The following GSN variants were observed in gnomAD, a reference collection of about 807,000 sequenced individuals.
GSN encodes gelsolin.
A neutral mutation model predicts 85.7 loss-of-function variants in GSN; 56 were observed. The observed-to-expected ratio is 0.65, with a 90% CI of 0.53 to 0.82. The LOEUF (loss-of-function observed/expected upper bound fraction) is 0.82, where lower values mean the gene tolerates loss of function less well. Ranked by LOEUF, GSN falls within the 40% of genes least tolerant of loss-of-function variation. The pLI, the probability that GSN is intolerant of heterozygous loss-of-function variation, is 0.00. For synonymous variants in GSN, 373 were observed against 399.1 expected (o/e 0.93, Z 0.78); for missense variants, 857 against 979.8 (o/e 0.87, Z 1.67).
chr9:121,218,557 C>T (rs1337164668), intron 4 of GSN, among the ~76,000 whole-genome samples: 2 of 152,146 alleles, frequency 1.3e-5, no homozygotes, highest in South Asian at 4.1e-4. Context: ...ATCACTTGAA[C>T]TCGGGAGGCG....
intron 5 of GSN, among the ~76,000 whole-genome samples, chr9:121,245,302 A>G (rs1361977141): frequency 6.6e-6 from 1 of 152,220 alleles, no homozygotes; most frequent in East Asian, 1.9e-4. Context: ...CAAAAAGTCT[A>G]TAGTCCTCCA....
intron 6 of GSN, among the ~76,000 whole-genome samples, chr9:121,254,127 G>C (rs1351808616): frequency 1.3e-5 from 2 of 152,256 alleles, no homozygotes; most frequent in East Asian, 3.9e-4. Context: ...AGCCAAAAAA[G>C]AAAAAAGATC....
intron 1 of GSN, among the ~76,000 whole-genome samples, chr9:121,275,290 C>A (rs531208229): frequency 6.6e-6 from 1 of 152,324 alleles, no homozygotes; most frequent in South Asian, 2.1e-4. Context: ...GACATCACCT[C>A]ACTGAGTTTC....
rs2062045017 is a variant in GSN at position 121,318,937 on chromosome 9, A to G, written c.1191+57A>G. Reference sequence around the variant, plus strand: ...GGCCCCTCCCTCACTTTCCCCATGCACTGCCTCTTGCTTCCCCAAGGAGGT... The same window carrying G: ...GGCCCCTCCCTCACTTTCCCCATGCGCTGCCTCTTGCTTCCCCAAGGAGGT... On this transcript the variant is annotated intron_variant, in intron 10 of 17. Transcript: ENST00000432226. The surrounding 1 kb of genome is among the most constrained non-coding windows in gnomAD (Gnocchi z 4.3). 1.5e-6 allele frequency: 2 copies of G among 1,333,434 alleles called. No individual in the cohort carries two copies. The highest frequency in any genetic ancestry group is 2.2e-6 in the Non-Finnish European group (2 of 926,974). 82.6% of individuals were successfully genotyped at this position (1,333,434 alleles called of 1,614,324 possible). A position where few individuals can be genotyped will look rare whatever the true frequency, so the allele number is the denominator to read the frequency against.
At chr9:121,241,495 G>A (rs2132198646) in intron 5 of GSN, among the ~76,000 whole-genome samples, 1 of 152,302 alleles carries the variant, frequency 6.6e-6, no homozygotes, top group South Asian at 2.1e-4. Flanking sequence ...GTGAGACCTT[G>A]GGGCAGGTAA....
rs1218226680 is a variant in GSN at position 121,332,011 on chromosome 9, G to A, written c.2027-423G>A. 4.1e-5 allele frequency: 10 copies of A among 244,522 alleles called. No homozygotes were observed. The highest frequency in any genetic ancestry group is 1.7e-4 in the South Asian group (3 of 17,616). 15.1% of individuals were successfully genotyped at this position (244,522 alleles called of 1,614,324 possible). A position where few individuals can be genotyped will look rare whatever the true frequency, so the allele number is the denominator to read the frequency against. On this transcript the variant is annotated intron_variant, in intron 17 of 17. Coordinates refer to ENST00000432226, the MANE Select transcript of GSN (RefSeq NM_198252.3). This position sits in a 1 kb window ranked among gnomAD's most constrained non-coding sequence, Gnocchi z 4.8. ...TTCACGGCTGCTGTGAGCCATGATC[G>A]CACCACTATACTGTAGCCTGGGTGA... is the stretch of plus-strand genomic sequence containing the variant.
chr9:121,256,929 T>C (rs1453818026), intron 6 of GSN, among the ~76,000 whole-genome samples: 2 of 152,090 alleles, frequency 1.3e-5, no homozygotes, highest in African/African-American at 4.8e-5. Context: ...GTTCTAGAAT[T>C]TGATAGTACA....
intron 5 of GSN, chr9:121,311,935 G>A (rs2061195530): frequency 4.5e-6 from 1 of 222,636 alleles, no homozygotes; most frequent in South Asian, 6.3e-5. Flanking sequence ...TCTTTTGGTG[G>A]ACATACGAAC....
intron 6 of GSN, among the ~76,000 whole-genome samples, chr9:121,256,321 T>C (rs2054958735): frequency 6.6e-6 from 1 of 152,204 alleles, no homozygotes; most frequent in Non-Finnish European, 1.5e-5. Context: ...ACGTGATGTA[T>C]ATATGCACTT....
chr9:121,299,139 C>T lies in GSN; in HGVS notation c.-9-2824C>T, dbSNP rs2059503768. ...AACTGTGTACAAACATGTGACTTTA[C>T]GTTTTGATCAAAATAAGACTTTTAA... On this transcript the variant is annotated intron_variant, in intron 2 of 17. Transcript: ENST00000432226. This position sits in a 1 kb window ranked among gnomAD's most constrained non-coding sequence, Gnocchi z 4.2. 5.3e-6 allele frequency: 1 copy of T among 188,112 alleles called. No homozygotes were observed. Among genetic ancestry groups the T allele is most frequent in the Non-Finnish European group, 9.9e-6 (1 of 100,898 alleles). 11.7% of individuals were successfully genotyped at this position (188,112 alleles called of 1,614,324 possible).
At position 121,327,448 on chromosome 9, in the gene GSN, C is replaced by A. The variant is rs975193305; in HGVS notation, c.1728C>A (p.Ala576=). 2.4e-5 allele frequency: 39 copies of A among 1,596,172 alleles called. No homozygotes were observed. The highest frequency in any genetic ancestry group is 3.2e-5 in the Non-Finnish European group (38 of 1,170,942). The part of the protein sequence containing the change: ...GAQELLRVLR[A]QPVQVAEGSE... ...AGGAGCTGCTCAGGGTGCTGCGGGC[C>A]CAACCTGTGCAGGTGGCAGAAGGCA... Residue 576 remains alanine (A), a synonymous_variant, in exon 14 of 18, where the codon GCC becomes GCA. Transcript: ENST00000432226.
At position 121,310,681 on chromosome 9, in the gene GSN, C is replaced by T. The variant is rs1227605292; in HGVS notation, c.352-3C>T. On this transcript the variant is annotated splice_polypyrimidine_tract_variant and splice_region_variant and intron_variant, in intron 4 of 17. Coordinates refer to ENST00000432226, the MANE Select transcript of GSN (RefSeq NM_198252.3). Reference sequence around the variant, plus strand: ...GGCTAATGCTGTCTCTTTGGCCCCACAGAAAGGAGGTGTGGCATCAGGATT... The same window carrying T: ...GGCTAATGCTGTCTCTTTGGCCCCATAGAAAGGAGGTGTGGCATCAGGATT... 4 of 1,614,088 alleles carry T rather than the reference C, an allele frequency of 2.5e-6. No individual in the cohort carries two copies. Among genetic ancestry groups the T allele is most frequent in the Non-Finnish European group, 3.4e-6 (4 of 1,179,968 alleles).
intron 10 of GSN, 147 bp downstream of exon 10, chr9:121,319,027 C>A: frequency 1.4e-6 from 1 of 716,284 alleles, no homozygotes; most frequent in Non-Finnish European, 2.4e-6. Context: ...TTTTTACAGC[C>A]AATGCACCCT....
Position 121,302,162 on chromosome 9 carries a change from G to A in GSN, c.191G>A (p.Trp64Ter). ...AATCTGCAGTATGACCTCCACTACT[G>A]GCTGGGTGAGGCTGGCCCTGCCCAG... Reference protein sequence around the residue: ...NGNLQYDLHYWLGNECSQDES... With the variant: ...NGNLQYDLHY The change falls in exon 3 of 18, where the codon TGG becomes TAG. Residue 64 changes from tryptophan to a stop codon, truncating the protein, a stop_gained. Transcript: ENST00000432226. LOFTEE classifies it high-confidence loss of function. 6.2e-7 allele frequency: 1 copy of A among 1,613,632 alleles called. No homozygotes were observed. The highest frequency in any genetic ancestry group is 8.5e-7 in the Non-Finnish European group (1 of 1,179,960).
chr9:121,257,772 G>A (rs2054997042), intron 6 of GSN, among the ~76,000 whole-genome samples: 1 of 152,230 alleles, frequency 6.6e-6, no homozygotes, highest in African/African-American at 2.4e-5. Flanking sequence ...TCAGGAGGCT[G>A]AGGCAGGAGA....
chr9:121,270,479 A>G (rs1037152442), intron 1 of GSN, among the ~76,000 whole-genome samples: 8 of 152,246 alleles, frequency 5.3e-5, no homozygotes, highest in African/African-American at 1.4e-4. Flanking sequence ...TCAGAGCAGC[A>G]GATTCTGGAA....
intron 5 of GSN, chr9:121,311,249 G>T: frequency 3.5e-6 from 1 of 283,998 alleles, no homozygotes; most frequent in Non-Finnish European, 6.9e-6. Flanking sequence ...TGTCATACAT[G>T]TAGTTGCACA....
chr9:121,311,658 C>T (rs984102964), intron 5 of GSN: 4 of 152,710 alleles, frequency 2.6e-5, no homozygotes, highest in African/African-American at 9.6e-5. Context: ...ACTTTCTCAA[C>T]AGCATAGATG....
intron 4 of GSN, among the ~76,000 whole-genome samples, chr9:121,219,202 G>A (rs1044235725): frequency 1.3e-5 from 2 of 151,890 alleles, no homozygotes; most frequent in South Asian, 2.1e-4. Flanking sequence ...CTCTTTACCC[G>A]GTCTCCTGAC....
Sources: allele counts gnomAD v4.1 joint callset (sites outside exome capture counted in the v4.1 genomes callset), GRCh38; gene constraint gnomAD v4.1.1; non-coding constraint Gnocchi (gnomAD v3.1); transcripts MANE v1.5; gene names NCBI Gene and HGNC (gene_info 2026-07-23, HGNC 2026-07-21).